The following RSPH14 variants were observed in gnomAD, a reference collection of about 807,000 sequenced individuals.
RSPH14 encodes the protein rhabdoid tumor deletion region gene 1.
Under a neutral mutation model 26.7 loss-of-function variants are expected in RSPH14, and 20 were observed. The ratio of observed to expected loss-of-function variants is 0.75; its 90% CI spans 0.53 to 1.09. RSPH14 has a LOEUF of 1.09. Among genes scored for constraint, RSPH14 ranks in the 50% least tolerant of loss-of-function variants. The pLI, the probability that RSPH14 is intolerant of heterozygous loss-of-function variation, is 0.00. For missense variants in RSPH14, 449 were observed against 457.2 expected (o/e 0.98, Z 0.16); for synonymous variants, 177 against 189.3 (o/e 0.93, Z 0.53).
upstream of RSPH14, among the ~76,000 whole-genome samples, chr22:23,147,857 C>T (rs575578792): frequency 2.6e-5 from 4 of 152,274 alleles, no homozygotes; most frequent in East Asian, 5.8e-4. Flanking sequence ...CAAAGTAAAC[C>T]GTTAAGTAAA....
intron 3 of RSPH14, chr22:23,136,285 A>T: frequency 1.4e-6 from 1 of 708,772 alleles, no homozygotes; most frequent in Non-Finnish European, 2.6e-6. Context: ...TGCCAAGCCC[A>T]GGGCTGCTAT....
chr22:23,094,190 T>C (rs778719838), intron 4 of RSPH14, among the ~76,000 whole-genome samples: 2 of 151,882 alleles, frequency 1.3e-5, no homozygotes, highest in Non-Finnish European at 2.9e-5. Context: ...GCTGCGTGGG[T>C]CTCCGGACAG....
chr22:23,177,851 T>C, the RSPH14 span, among the ~76,000 whole-genome samples: 1 of 152,156 alleles, frequency 6.6e-6, no homozygotes, highest in Non-Finnish European at 1.5e-5. Context: ...CAGGCTGGAG[T>C]GCAGTGGCGT....
At position 23,136,102 on chromosome 22, in the gene RSPH14, G is replaced by A. The variant is rs1049825284; in HGVS notation, c.303-1958C>T. The A allele has an allele frequency of 1.4e-5, 8 of 558,522 alleles. No homozygotes were observed. The East Asian group carries it at 2.5e-4, about 17-fold the overall frequency. 34.6% of individuals were successfully genotyped at this position (558,522 alleles called of 1,614,324 possible). On this transcript the variant is annotated intron_variant, in intron 3 of 6. Coordinates refer to ENST00000216036, the MANE Select transcript of RSPH14 (RefSeq NM_014433.3). ...GCAGGGGTCTTCCCTGACCACGGGG[G>A]CTTCCTTGGTCCGTGTCTAGTCACC...
intron 3 of RSPH14, among the ~76,000 whole-genome samples, chr22:23,138,389 A>G (rs2070519400): frequency 6.6e-6 from 1 of 152,120 alleles, no homozygotes; most frequent in Admixed American, 6.5e-5. Context: ...TGGTGAAACC[A>G]GTCTCTACTA....
intron 3 of RSPH14, 71 bp downstream of exon 3, chr22:23,138,769 C>T (rs1054431738): frequency 1.5e-6 from 2 of 1,303,550 alleles, no homozygotes; most frequent in Non-Finnish European, 2.2e-6. Flanking sequence ...CTCTAAGCAG[C>T]TCAAGTGCAT....
chr22:23,158,154 C>A, the RSPH14 span: 1 of 1,536,658 alleles, frequency 6.5e-7, no homozygotes, highest in Non-Finnish European at 8.7e-7. Context: ...TGTGAGTGAC[C>A]AGGGCCCCTT....
chr22:23,068,568 C>A (rs2146225975), intron 4 of RSPH14, among the ~76,000 whole-genome samples: 1 of 152,314 alleles, frequency 6.6e-6, no homozygotes, highest in African/African-American at 2.4e-5. Context: ...AGGTGTCAGC[C>A]AGCCCCAGTG....
chr22:23,139,793 G>T (rs1420873533), intron 2 of RSPH14, among the ~76,000 whole-genome samples: 2 of 152,152 alleles, frequency 1.3e-5, no homozygotes, highest in Non-Finnish European at 2.9e-5. Flanking sequence ...TGGGTGTGAT[G>T]GCTCACACAT....
the RSPH14 span, chr22:23,162,792 C>T: frequency 2.2e-6 from 1 of 455,690 alleles, no homozygotes; most frequent in South Asian, 1.5e-5. Flanking sequence ...GCCTGGCACA[C>T]TGCAGCTGCC....
At chr22:23,169,648 T>TG in the RSPH14 span, among the ~76,000 whole-genome samples, 7 of 152,196 alleles carry the variant, frequency 4.6e-5, no homozygotes, top group Middle Eastern at 3.4e-3. Context: ...TGCCTCTTGT[T>TG]GGGGTAATGG....
At chr22:23,158,136 G>A in the RSPH14 span, 27 of 1,564,324 alleles carry the variant, frequency 1.7e-5, no homozygotes, top group African/African-American at 2.7e-5. Flanking sequence ...CCCTGACCCC[G>A]TGGTGGGTGT....
chr22:23,180,058 G>C, the RSPH14 span: 28 of 348,896 alleles, frequency 8.0e-5, no homozygotes, highest in South Asian at 6.8e-4. Context: ...AGGGGCAGAG[G>C]GGGGAGGTTG....
intron 4 of RSPH14, among the ~76,000 whole-genome samples, chr22:23,078,205 G>A (rs866349022): frequency 1.6e-4 from 24 of 152,338 alleles, no homozygotes; most frequent in Middle Eastern, 3.4e-3. Flanking sequence ...CATATTTCTC[G>A]ATGAAATGCT....
chr22:23,066,838 C>T (rs1051721163), intron 4 of RSPH14, among the ~76,000 whole-genome samples: 20 of 152,158 alleles, frequency 1.3e-4, no homozygotes, highest in African/African-American at 4.6e-4. Flanking sequence ...AGGCCAGGCT[C>T]TGGGCCATCC....
At chr22:23,130,496 A>AGGAAAGAAAGAAAG (rs1555939818) in intron 4 of RSPH14, among the ~76,000 whole-genome samples, 7 of 110,692 alleles carry the variant, frequency 6.3e-5, no homozygotes, top group African/African-American at 2.5e-4. Context: ...GAAGGAAAGA[A>AGGAAAGAAAGAAAG]AAAGAAAGAA....
the RSPH14 span, chr22:23,158,857 G>C: frequency 6.3e-7 from 1 of 1,576,834 alleles, no homozygotes; most frequent in Non-Finnish European, 8.7e-7. Context: ...TTTGGGGTGG[G>C]AGGATGGGTG....
chr22:23,094,137 G>A (rs1382534960), intron 4 of RSPH14, among the ~76,000 whole-genome samples: 2 of 152,200 alleles, frequency 1.3e-5, no homozygotes, highest in Non-Finnish European at 2.9e-5. Flanking sequence ...GAGTTGATGG[G>A]TGGTATTAAA....
the RSPH14 span, among the ~76,000 whole-genome samples, chr22:23,158,431 C>T: frequency 6.6e-6 from 1 of 152,224 alleles, no homozygotes; most frequent in African/African-American, 2.4e-5. Flanking sequence ...ATGAATTTGG[C>T]ACTTGCAGTC....
Sources: allele counts gnomAD v4.1 joint callset (sites outside exome capture counted in the v4.1 genomes callset), GRCh38; gene constraint gnomAD v4.1.1; transcripts MANE v1.5; gene names NCBI Gene and HGNC (gene_info 2026-07-23, HGNC 2026-07-21).